SIPA1L3: variants seen among roughly 807,000 people sequenced by gnomAD.
The protein encoded by SIPA1L3 is signal induced proliferation associated 1 like 3.
Under a neutral mutation model 150.1 loss-of-function variants are expected in SIPA1L3, and 59 were observed. The observed-to-expected ratio is 0.39, with a 90% CI of 0.32 to 0.49. SIPA1L3 has a LOEUF of 0.49. Among genes scored for constraint, SIPA1L3 ranks in the 20% least tolerant of loss-of-function variants. The probability of loss-of-function intolerance (pLI) is 0.86; values close to 1 mark genes in which losing one functional copy is unlikely to be tolerated. For missense variants in SIPA1L3, 2,211 were observed against 2,489.5 expected (o/e 0.89, Z 2.38); for synonymous variants, 1,070 against 1,077.6 (o/e 0.99, Z 0.14).
At chr19:38,037,972 A>C (rs553786610) in intron 2 of SIPA1L3, among the ~76,000 whole-genome samples, 2 of 152,230 alleles carry the variant, frequency 1.3e-5, no homozygotes, top group Admixed American at 6.5e-5. Flanking sequence ...AGAGGATGGC[A>C]GGTAGGGATG....
chr19:37,961,545 T>TA (rs1182874625), intron 1 of SIPA1L3, among the ~76,000 whole-genome samples: 1 of 152,210 alleles, frequency 6.6e-6, no homozygotes, highest in East Asian at 1.9e-4. Context: ...TGACTATGTT[T>TA]AAAAACAAAA....
chr19:38,099,570 C>T (rs1970455020), intron 4 of SIPA1L3, among the ~76,000 whole-genome samples: 4 of 152,178 alleles, frequency 2.6e-5, no homozygotes, highest in Non-Finnish European at 5.9e-5. Flanking sequence ...AGTGTCAGCT[C>T]CACAAGGACA....
chr19:38,001,968 A>T (rs930962553), intron 1 of SIPA1L3, among the ~76,000 whole-genome samples: 1 of 152,354 alleles, frequency 6.6e-6, no homozygotes, highest in East Asian at 1.9e-4. Context: ...ACTGTAAAAA[A>T]GAAAATATGC....
In SIPA1L3 at chr19:38,082,360, G is replaced by A. The variant is rs1341451963; in HGVS notation, c.795G>A (p.Gln265=). ...CCAAGGGGGACTCCCACAACGGGCA[G>A]CCCGCCAAGGACAGCCTCCTGCCAC... ...GGAKGDSHNG[Q]PAKDSLLPLQ... The change falls in exon 3 of 22, where the codon CAG becomes CAA. Residue 265 remains glutamine (Q), a synonymous_variant. Coordinates refer to ENST00000222345, the MANE Select transcript of SIPA1L3 (RefSeq NM_015073.3). The A allele has an allele frequency of 1.9e-6, 3 of 1,597,014 alleles. No homozygotes were observed. Among genetic ancestry groups the A allele is most frequent in the Non-Finnish European group, 2.5e-6 (3 of 1,178,290 alleles).
chr19:38,190,226 C>CT (rs1972777717), intron 16 of SIPA1L3, among the ~76,000 whole-genome samples: 1 of 151,852 alleles, frequency 6.6e-6, no homozygotes, highest in South Asian at 2.1e-4. Context: ...AAGGCCAGGC[C>CT]TGCTTCCTCA....
Position 37,948,846 on chromosome 19 carries a change from G to T in SIPA1L3, c.-379+41488G>T, listed in dbSNP as rs527985944. ...CTAAAGAGGTTGCCTTTGAGTCAAG[G>T]CCTGAAAGATAAGGAGCCAGCCGTG... On this transcript the variant is annotated intron_variant, in intron 1 of 21. Transcript: ENST00000222345. Among the ~76,000 whole-genome samples, 167 of 152,308 alleles carry T rather than the reference G, an allele frequency of 1.1e-3. 2 individuals are homozygous for T. The highest frequency in any genetic ancestry group is 3.5e-3 in the African/African-American group (145 of 41,562).
At chr19:37,952,856 T>C (rs1460162317) in intron 1 of SIPA1L3, among the ~76,000 whole-genome samples, 1 of 152,172 alleles carries the variant, frequency 6.6e-6, no homozygotes, top group African/African-American at 2.4e-5. Flanking sequence ...CTGGAGATTC[T>C]GGTTTGGGGC....
rs963411456 is a variant in SIPA1L3, at chr19:38,164,382, G to A, written c.3781-97G>A. The A allele has an allele frequency of 5.1e-6, 6 of 1,174,366 alleles. No individual in the cohort carries two copies. The African/African-American group carries it at 9.2e-5, about 18-fold the overall frequency. 72.7% of individuals were successfully genotyped at this position (1,174,366 alleles called of 1,614,324 possible). The stretch of plus-strand genomic sequence containing the variant: ...AGAAGCCAGGATTTGAAGCTGTCTG[G>A]TCCCAGGGTTCAGGCCCAGGCAGAG... On this transcript the variant is annotated intron_variant, in intron 14 of 21. Transcript: ENST00000222345. The surrounding 1 kb of genome is among the most constrained non-coding windows in gnomAD (Gnocchi z 4.1).
chr19:38,134,712 A>G lies in SIPA1L3; in HGVS notation c.3143+3940A>G, dbSNP rs1280047402. Among the ~76,000 whole-genome samples, 7 of 24,012 alleles carry G rather than the reference A, an allele frequency of 2.9e-4. No homozygotes were observed. The East Asian group carries it at 0.013, about 44-fold the overall frequency. 15.8% of individuals were successfully genotyped at this position (24,012 alleles called of 152,430 possible). A position where few individuals can be genotyped will look rare whatever the true frequency, so the allele number is the denominator to read the frequency against. On this transcript the variant is annotated intron_variant, in intron 10 of 21. Transcript: ENST00000222345. ...AGAGCGAGACTCTGTTTCAGGAAAA[A>G]AAAAAAAAAAAAAAAAAAAAGGCAC... is the stretch of plus-strand genomic sequence containing the variant.
intron 1 of SIPA1L3, among the ~76,000 whole-genome samples, chr19:37,992,298 A>G (rs1967527368): frequency 6.6e-6 from 1 of 152,198 alleles, no homozygotes; most frequent in South Asian, 2.1e-4. Context: ...ATCATAATGC[A>G]CAATTAAGAA....
intron 1 of SIPA1L3, among the ~76,000 whole-genome samples, chr19:37,950,465 G>A (rs943382663): frequency 5.3e-5 from 8 of 152,258 alleles, no homozygotes; most frequent in African/African-American, 9.6e-5. Flanking sequence ...CTTCATCTGC[G>A]TAGTAAGGAC....
At chr19:37,914,155 T>G (rs2382623) in intron 1 of SIPA1L3, among the ~76,000 whole-genome samples, 101,111 of 151,910 alleles carry the variant, frequency 0.67, 34,919 homozygotes, top group African/African-American at 0.84. Flanking sequence ...ACCTTAGCTT[T>G]GATGGTCAGG....
intron 2 of SIPA1L3, among the ~76,000 whole-genome samples, chr19:38,068,731 G>A (rs1344270656): frequency 1.3e-5 from 2 of 152,158 alleles, no homozygotes; most frequent in Admixed American, 6.6e-5. Flanking sequence ...GTGGCACACA[G>A]CTGTAGTCCC....
chr19:37,980,804 C>G (rs1219995361), intron 1 of SIPA1L3, among the ~76,000 whole-genome samples: 1 of 152,160 alleles, frequency 6.6e-6, no homozygotes, highest in Admixed American at 6.5e-5. Flanking sequence ...AGAATGTCCT[C>G]GAGAGAGGGT....
At chr19:38,014,990 T>C (rs773262469) in intron 1 of SIPA1L3, among the ~76,000 whole-genome samples, 6 of 151,130 alleles carry the variant, frequency 4.0e-5, no homozygotes, top group African/African-American at 7.3e-5. Flanking sequence ...TTTTAAAGAT[T>C]TTTGGTTGAG....
chr19:38,177,353 T>G (rs1490504297), intron 15 of SIPA1L3, among the ~76,000 whole-genome samples: 1 of 117,418 alleles, frequency 8.5e-6, no homozygotes, highest in Non-Finnish European at 1.7e-5. Context: ...AGAGCAAGAC[T>G]CCATCTCAAA....
chr19:37,999,038 T>G (rs1271392589), intron 1 of SIPA1L3, among the ~76,000 whole-genome samples: 1 of 151,322 alleles, frequency 6.6e-6, no homozygotes, highest in Non-Finnish European at 1.5e-5. Context: ...GACTAAAAAT[T>G]GTGTGACCAT....
chr19:38,067,488 C>T (rs958982893), intron 2 of SIPA1L3, among the ~76,000 whole-genome samples: 6 of 151,662 alleles, frequency 4.0e-5, no homozygotes, highest in African/African-American at 1.5e-4. Context: ...CTCAGCCGGG[C>T]GTGGTGGCTC....
chr19:38,138,046 G>C (rs534540334), intron 10 of SIPA1L3, among the ~76,000 whole-genome samples: 137 of 152,180 alleles, frequency 9.0e-4, no homozygotes, highest in African/African-American at 3.2e-3. Flanking sequence ...CATGAGAATT[G>C]CTTGAACCCA....
Sources: gnomAD v4.1 joint callset for allele counts (sites outside exome capture counted in the v4.1 genomes callset) on GRCh38, gnomAD v4.1.1 for gene constraint, Gnocchi (gnomAD v3.1) non-coding constraint, MANE v1.5 for transcripts, NCBI Gene and HGNC (gene_info 2026-07-23, HGNC 2026-07-21) for gene names.